COMMD10: variants seen among roughly 807,000 people sequenced by gnomAD.
COMMD10 encodes the protein COMM domain containing 10.
Under a neutral mutation model 28.9 loss-of-function variants are expected in COMMD10, and 33 were observed. The observed-to-expected ratio is 1.14, with a 90% CI of 0.87 to 1.53. The LOEUF is 1.53. Ranked by LOEUF, COMMD10 falls within the 40% of genes most tolerant of loss-of-function variation. COMMD10 has a pLI of 0.00. For missense variants in COMMD10, 310 were observed against 233.4 expected, an observed-to-expected ratio of 1.33 and a Z score of -2.14; for synonymous variants, 110 against 81.7, an observed-to-expected ratio of 1.35 and a Z score of -1.87.
chr5:116,259,464 T>C (rs935371875), intron 5 of COMMD10, among the ~76,000 whole-genome samples: 4 of 151,742 alleles, frequency 2.6e-5, no homozygotes, highest in African/African-American at 9.7e-5. Context: ...TCTTTTACTC[T>C]GCTGAGTGTT....
chr5:116,173,128 CAT>C (rs1753392711), intron 5 of COMMD10, among the ~76,000 whole-genome samples: 1 of 151,928 alleles, frequency 6.6e-6, no homozygotes, highest in Non-Finnish European at 1.5e-5. Flanking sequence ...AAGGTAAAGT[CAT>C]ATAATCTTAA....
chr5:116,103,446 T>G (rs914399548), intron 4 of COMMD10, among the ~76,000 whole-genome samples: 3 of 152,228 alleles, frequency 2.0e-5, no homozygotes, highest in African/African-American at 7.2e-5. Context: ...TTCATGTGTT[T>G]TTGGCTGCAT....
intron 1 of COMMD10, 95 bp downstream of exon 1, chr5:116,085,188 C>G (rs113155124): frequency 1.8e-5 from 8 of 449,006 alleles, no homozygotes; most frequent in Non-Finnish European, 2.3e-5. Flanking sequence ...GCCTGGGCGC[C>G]GCGGCGGGCC....
intron 5 of COMMD10, among the ~76,000 whole-genome samples, chr5:116,201,223 T>G (rs747400541): frequency 1.1e-4 from 16 of 152,162 alleles, no homozygotes; most frequent in South Asian, 8.3e-4. Context: ...TGGGCAGACC[T>G]TGGTAAGAAG....
intron 5 of COMMD10, among the ~76,000 whole-genome samples, chr5:116,163,423 TAAAAAA>T (rs58449487): frequency 1.1e-5 from 1 of 92,524 alleles, no homozygotes; most frequent in Non-Finnish European, 2.0e-5. Flanking sequence ...CACCTCTACT[TAAAAAA>T]AAAAAAAAAA....
chr5:116,101,684 C>T (rs1054497371), intron 4 of COMMD10, among the ~76,000 whole-genome samples: 2 of 152,206 alleles, frequency 1.3e-5, no homozygotes, highest in Non-Finnish European at 2.9e-5. Flanking sequence ...CTCAGCCTCC[C>T]AAAGTGTGGG....
chr5:116,291,780 A>G (rs1322117757), intron 6 of COMMD10, among the ~76,000 whole-genome samples: 1 of 152,164 alleles, frequency 6.6e-6, no homozygotes, highest in Non-Finnish European at 1.5e-5. Context: ...AAAGGAAAAT[A>G]GTTTTAATTA....
chr5:116,276,587 T>C (rs1025922393), intron 5 of COMMD10, among the ~76,000 whole-genome samples: 1 of 151,908 alleles, frequency 6.6e-6, no homozygotes, highest in African/African-American at 2.4e-5. Flanking sequence ...AGCATTATCA[T>C]ATATTATGTT....
At chr5:116,137,974 G>A (rs1414642594) in intron 5 of COMMD10, among the ~76,000 whole-genome samples, 2 of 151,694 alleles carry the variant, frequency 1.3e-5, no homozygotes, top group South Asian at 4.1e-4. Flanking sequence ...AGTTTTTTTC[G>A]TTAGGGGGCA....
At chr5:116,217,952 A>T in intron 5 of COMMD10, 2 of 779,084 alleles carry the variant, frequency 2.6e-6, no homozygotes, top group Admixed American at 3.9e-5. Context: ...CATTTTTATA[A>T]AACTTGGTAA....
intron 4 of COMMD10, among the ~76,000 whole-genome samples, chr5:116,100,108 C>T (rs1365586183): frequency 6.6e-6 from 1 of 152,064 alleles, no homozygotes; most frequent in Non-Finnish European, 1.5e-5. Context: ...TGTGACCTGT[C>T]ATATGAGATC....
chr5:116,179,296 T>G (rs1376505048), intron 5 of COMMD10, among the ~76,000 whole-genome samples: 1 of 152,148 alleles, frequency 6.6e-6, no homozygotes, highest in Non-Finnish European at 1.5e-5. Context: ...TTAGGAATAA[T>G]CTAATATCTC....
intron 5 of COMMD10, among the ~76,000 whole-genome samples, chr5:116,167,716 C>T (rs78271477): frequency 0.08 from 12,114 of 152,148 alleles, 988 homozygotes; most frequent in African/African-American, 0.2. Context: ...CCCAGAATTT[C>T]CTATCCAACC....
chr5:116,086,043 C>T (rs532399443), intron 1 of COMMD10, among the ~76,000 whole-genome samples: 2 of 152,162 alleles, frequency 1.3e-5, no homozygotes, highest in Non-Finnish European at 2.9e-5. Flanking sequence ...GCTGCTTGAG[C>T]ATAGGGGCTG....
chr5:116,219,359 A>G (rs72804892), intron 5 of COMMD10, among the ~76,000 whole-genome samples: 16,261 of 152,186 alleles, frequency 0.11, 932 homozygotes, highest in East Asian at 0.14. Flanking sequence ...CTCCTCACAG[A>G]TAGAAACTGC....
At chr5:116,204,206 T>C (rs1010717950) in intron 5 of COMMD10, among the ~76,000 whole-genome samples, 1 of 152,170 alleles carries the variant, frequency 6.6e-6, no homozygotes, top group African/African-American at 2.4e-5. Flanking sequence ...TAAATATATA[T>C]GCACCCAATA....
intron 1 of COMMD10, chr5:116,085,490 A>ATTTTTTC (rs1339564043): frequency 4.5e-6 from 1 of 222,812 alleles, no homozygotes; most frequent in Non-Finnish European, 8.8e-6. Context: ...CTGGTGGGAA[A>ATTTTTTC]GGCTCACGCT....
At chr5:116,235,240 A>G (rs545048694) in intron 5 of COMMD10, among the ~76,000 whole-genome samples, 1 of 152,304 alleles carries the variant, frequency 6.6e-6, no homozygotes, top group East Asian at 1.9e-4. Context: ...CAGATTGATA[A>G]TGAATACTTA....
intron 5 of COMMD10, among the ~76,000 whole-genome samples, chr5:116,135,011 A>G (rs911983610): frequency 7.2e-5 from 11 of 152,208 alleles, no homozygotes; most frequent in Non-Finnish European, 4.4e-5. Flanking sequence ...ATTGCTATGA[A>G]ATACTTTTTG....
Sources: gnomAD v4.1 joint callset for allele counts (sites outside exome capture counted in the v4.1 genomes callset) on GRCh38, gnomAD v4.1.1 for gene constraint, MANE v1.5 for transcripts, NCBI Gene and HGNC (gene_info 2026-07-23, HGNC 2026-07-21) for gene names.